The following ERCC3 variants were observed in gnomAD, a reference collection of about 807,000 sequenced individuals.
ERCC3 encodes ERCC excision repair 3, TFIIH core complex helicase subunit, also known as general transcription and DNA repair factor IIH helicase/translocase subunit XPB.
ERCC3 carries 66 observed loss-of-function variants against 94.2 expected under a neutral mutation model. The observed-to-expected ratio is 0.70, with a 90% CI of 0.57 to 0.86. ERCC3 has a LOEUF of 0.86. Ranked by LOEUF, ERCC3 falls within the 40% of genes least tolerant of loss-of-function variation. The pLI, the probability that ERCC3 is intolerant of heterozygous loss-of-function variation, is 0.00. For synonymous variants in ERCC3, 349 were observed against 369.1 expected (o/e 0.95, Z 0.63); for missense variants, 829 against 987.1 (o/e 0.84, Z 2.15).
chr2:127,268,442 T>C (rs1341699570), intron 12 of ERCC3, among the ~76,000 whole-genome samples: 1 of 152,014 alleles, frequency 6.6e-6, no homozygotes, highest in Non-Finnish European at 1.5e-5. Flanking sequence ...GTTGTATTTT[T>C]TGTAGGAACA....
intron 12 of ERCC3, among the ~76,000 whole-genome samples, chr2:127,270,725 T>A (rs1573938752): frequency 6.6e-6 from 1 of 152,328 alleles, no homozygotes. Context: ...AGAGTGTCAG[T>A]CCCTGCCATG....
At chr2:127,287,916 CCTTT>C (rs1310100456) in intron 7 of ERCC3, among the ~76,000 whole-genome samples, 5 of 152,180 alleles carry the variant, frequency 3.3e-5, no homozygotes, top group South Asian at 4.2e-4. Flanking sequence ...AGAGATCCTT[CCTTT>C]ATTATAAAAA....
rs558933296 is a variant in ERCC3, at chr2:127,272,946, T to C, written c.1746A>G (p.Gly582=). The C allele has an allele frequency of 3.1e-6, 5 of 1,609,348 alleles. No individual in the cohort carries two copies. In the South Asian group the frequency reaches 5.5e-5, roughly 18 times the overall value. Residue 582 remains glycine, a synonymous_variant, in exon 11 of 15, where the codon GGA becomes GGG. Coordinates refer to ENST00000285398, the MANE Select transcript of ERCC3 (RefSeq NM_000122.2). ...AIRLNKPYIY[G]PTSQGERMQI... ...GCATCCTTTCCCCCTGAGACGTAGG[T>C]CCGTAGATATAGGGTCTAGAGAAGA...
Position 127,293,591 on chromosome 2 carries a change from T to A in ERCC3, c.156A>T (p.Lys52Asn). The A allele has an allele frequency of 6.2e-7, 1 of 1,614,182 alleles. No homozygotes were observed. The highest frequency in any genetic ancestry group is 8.5e-7 in the Non-Finnish European group (1 of 1,180,030). The part of the protein sequence containing the change: ...AGKQVDESGT[K>N]VDEYGAKDYR... ...AGTCCTTGGCTCCATATTCATCCAC[T>A]TTGGTGCCTGACTCATCCACCTGCT... is the stretch of plus-strand genomic sequence containing the variant. Residue 52 changes from lysine (K) to asparagine (N), a missense_variant, in exon 2 of 15, where the codon AAA (lysine) becomes AAT (asparagine). Lys to Asn is a moderately conservative substitution (Grantham distance 94, BLOSUM62 0). Coordinates refer to ENST00000285398, the MANE Select transcript of ERCC3 (RefSeq NM_000122.2).
chr2:127,293,956 G>A, intron 1 of ERCC3, 98 bp downstream of exon 1: 1 of 1,548,478 alleles, frequency 6.5e-7, no homozygotes, highest in Non-Finnish European at 8.7e-7. Context: ...GGGCCAGCAG[G>A]GTCGGCCGGC....
At position 127,294,136 on chromosome 2, in the gene ERCC3, A is replaced by G. The variant is rs2104784664; in HGVS notation, c.-55T>C. ...CCCGCTCCCACAGGCCCGCCGCGGC[A>G]TCCGCTCTGGGGGGACTTCCGGCTC... On this transcript the variant is annotated 5_prime_UTR_variant, in exon 1 of 15. The change abolishes an upstream ATG in the 5' untranslated region. Transcript: ENST00000285398. 1.9e-6 allele frequency: 3 copies of G among 1,590,676 alleles called. No individual in the cohort carries two copies. In the South Asian group the frequency reaches 3.3e-5, roughly 18 times the overall value.
intron 12 of ERCC3, among the ~76,000 whole-genome samples, chr2:127,263,985 C>T (rs753368587): frequency 6.6e-6 from 1 of 151,936 alleles, no homozygotes; most frequent in Non-Finnish European, 1.5e-5. Flanking sequence ...GCTCGGATTA[C>T]AGGCAAGAGC....
Position 127,258,364 on chromosome 2 carries a change from C to T in ERCC3, c.2218-637G>A, listed in dbSNP as rs1182927303. The stretch of plus-strand genomic sequence containing the variant: ...CTTGGCTCCTCCTGTCCCTGAGTAA[C>T]CCTGAGGCAAGTAATTAATGTCTGC... On this transcript the variant is annotated intron_variant, in intron 14 of 14. Transcript: ENST00000285398. This position sits in a 1 kb window ranked among gnomAD's most constrained non-coding sequence, Gnocchi z 4.1. Among the ~76,000 whole-genome samples, 4 of 152,160 alleles carry T rather than the reference C, an allele frequency of 2.6e-5. No homozygotes were observed. The highest frequency in any genetic ancestry group is 9.7e-5 in the African/African-American group (4 of 41,424).
chr2:127,286,675 G>A (rs1685076936), intron 8 of ERCC3, 28 bp downstream of exon 8: 2 of 1,608,868 alleles, frequency 1.2e-6, no homozygotes, highest in African/African-American at 1.3e-5. Context: ...TGTTCAGCAA[G>A]TGGACAGCTC....
At chr2:127,260,517 G>A (rs1269658666) in intron 13 of ERCC3, 2 of 152,532 alleles carry the variant, frequency 1.3e-5, no homozygotes, top group East Asian at 3.9e-4. Context: ...AAAGAGGGAA[G>A]GTCAGACAAC....
Position 127,279,272 on chromosome 2 carries a change from C to T in ERCC3, c.1631G>A (p.Cys544Tyr), listed in dbSNP as rs1001657401. The T allele has an allele frequency of 9.9e-6, 16 of 1,613,752 alleles. No homozygotes were observed. Among genetic ancestry groups the T allele is most frequent in the Non-Finnish European group, 1.4e-5 (16 of 1,179,642 alleles). The change falls in exon 10 of 15, where the codon TGC becomes TAC. Residue 544 changes from cysteine (C) to tyrosine (Y), a missense_variant. Transcript: ENST00000285398. The surrounding 1 kb of genome is among the most constrained non-coding windows in gnomAD (Gnocchi z 4.7). ...YTMNPNKFRA[C>Y]QFLIKFHERR... ...TTCATGAAACTTGATCAGAAACTGG[C>T]AAGCTCTAAATTTGTTGGGGTTCAT... is the stretch of plus-strand genomic sequence containing the variant.
intron 12 of ERCC3, among the ~76,000 whole-genome samples, chr2:127,268,619 C>T (rs1205571068): frequency 6.6e-6 from 1 of 152,134 alleles, no homozygotes; most frequent in Admixed American, 6.6e-5. Flanking sequence ...TCTCTTCTGA[C>T]TTGTAAAGTT....
chr2:127,271,439 C>G lies in ERCC3; in HGVS notation c.1842G>C (p.Ser614=), dbSNP rs750922401. 1 of 1,613,100 alleles carries G rather than the reference C, an allele frequency of 6.2e-7. No homozygotes were observed. The highest frequency in any genetic ancestry group is 2.2e-5 in the East Asian group (1 of 44,870). ...TIFISKVGDT[S]FDLPEANVLI... The stretch of plus-strand genomic sequence containing the variant: ...GGACATTTGCTTCCGGCAGATCAAA[C>G]GAAGTGTCACCTACCTACAGAAACA... The change falls in exon 12 of 15, where the codon TCG becomes TCC. Residue 614 remains serine, a synonymous_variant. Transcript: ENST00000285398. The surrounding 1 kb of genome is among the most constrained non-coding windows in gnomAD (Gnocchi z 5.0).
Position 127,279,101 on chromosome 2 carries a change from A to C in ERCC3, c.1730+72T>G. The C allele has an allele frequency of 9.7e-7, 1 of 1,034,434 alleles. No individual in the cohort carries two copies. Among genetic ancestry groups the C allele is most frequent in the South Asian group, 1.3e-5 (1 of 76,978 alleles). The allele number at this position is 1,034,434 out of a possible 1,614,324, so 64.1% of individuals were successfully genotyped here. A position where few individuals can be genotyped will look rare whatever the true frequency, so the allele number is the denominator to read the frequency against. On this transcript the variant is annotated intron_variant, in intron 10 of 14. Coordinates refer to ENST00000285398, the MANE Select transcript of ERCC3 (RefSeq NM_000122.2). The surrounding 1 kb of genome is among the most constrained non-coding windows in gnomAD (Gnocchi z 4.7). ...GAGAGAAAAACAAAAAAACAAAACAACAGCCACCTTCTGCACTCTCAATGG... is the reference window on the plus strand; with the variant it reads ...GAGAGAAAAACAAAAAAACAAAACACCAGCCACCTTCTGCACTCTCAATGG...
chr2:127,267,463 T>C lies in ERCC3; in HGVS notation c.1945+3873A>G, dbSNP rs553730764. Among the ~76,000 whole-genome samples the C allele has an allele frequency of 1.1e-4, 17 of 152,224 alleles. No individual in the cohort carries two copies. In the East Asian group the frequency reaches 1.3e-3, roughly 12 times the overall value. ...TTTTTATTTGTGTGATAGATTTTTTTCCCTATCCCTTTACTTTGAACCTAT... is the reference window on the plus strand; with the variant it reads ...TTTTTATTTGTGTGATAGATTTTTTCCCCTATCCCTTTACTTTGAACCTAT... On this transcript the variant is annotated intron_variant, in intron 12 of 14. Transcript: ENST00000285398.
In ERCC3 at chr2:127,286,836, GCAGCCGATGGGCTTGTCCTTGGCAT is replaced by G; in HGVS notation, c.1184_1208del (p.Asp395AlafsTer36). On this transcript the variant is annotated frameshift_variant, in exon 8 of 15. Transcript: ENST00000285398. LOFTEE classifies it high-confidence loss of function. The stretch of plus-strand genomic sequence containing the variant: ...TGGAGTAGGTGCTAATGGCAACGGA[GCAGCCGATGGGCTTGTCCTTGGCAT>G]CGGAGGTGAACCGGCAGATCTGGCT... 6.2e-7 allele frequency: 1 copy of G among 1,614,166 alleles called. No homozygotes were observed. The highest frequency in any genetic ancestry group is 1.3e-5 in the African/African-American group (1 of 75,052).
Position 127,293,576 on chromosome 2 carries a change from T to C in ERCC3, c.171A>G (p.Gly57=), listed in dbSNP as rs755194128. The C allele has an allele frequency of 2.5e-6, 4 of 1,614,128 alleles. No individual in the cohort carries two copies. Among genetic ancestry groups the C allele is most frequent in the Non-Finnish European group, 3.4e-6 (4 of 1,180,004 alleles). ...DESGTKVDEY[G]AKDYRLQMPL... ...GCATTTGCAGCCTGTAGTCCTTGGCTCCATATTCATCCACTTTGGTGCCTG... is the reference window on the plus strand; with the variant it reads ...GCATTTGCAGCCTGTAGTCCTTGGCCCCATATTCATCCACTTTGGTGCCTG... Residue 57 remains glycine, a synonymous_variant, in exon 2 of 15, where the codon GGA becomes GGG. Coordinates refer to ENST00000285398, the MANE Select transcript of ERCC3 (RefSeq NM_000122.2).
Position 127,280,479 on chromosome 2 carries a change from T to C in ERCC3, c.1495A>G (p.Asn499Asp). 6.2e-7 allele frequency: 1 copy of C among 1,613,652 alleles called. No homozygotes were observed. Among genetic ancestry groups the C allele is most frequent in the South Asian group, 1.1e-5 (1 of 90,990 alleles). ...CACTGGACTTTGGCGATGTAGCCAT[T>C]ATTCTGCAGCTCCATCCAGTTGGCT... is the stretch of plus-strand genomic sequence containing the variant. ...YEANWMELQNNGYIAKVQCAE... is the reference protein window; with the variant it reads ...YEANWMELQNDGYIAKVQCAE... Residue 499 changes from asparagine to aspartate, a missense_variant, in exon 9 of 15, where the codon AAT becomes GAT. Coordinates refer to ENST00000285398, the MANE Select transcript of ERCC3 (RefSeq NM_000122.2). The surrounding 1 kb of genome is among the most constrained non-coding windows in gnomAD (Gnocchi z 6.3).
At chr2:127,262,739 CT>C (rs1345202238) in intron 12 of ERCC3, 1 of 152,126 alleles carries the variant, frequency 6.6e-6, no homozygotes, top group Non-Finnish European at 1.5e-5. Flanking sequence ...AGTTGCACAA[CT>C]TTGTGAATAT....
Sources: gnomAD v4.1 joint callset for allele counts (sites outside exome capture counted in the v4.1 genomes callset) on GRCh38, gnomAD v4.1.1 for gene constraint, Gnocchi (gnomAD v3.1) non-coding constraint, MANE v1.5 for transcripts, NCBI Gene and HGNC (gene_info 2026-07-23, HGNC 2026-07-21) for gene names.